Variants in NUP85 observed in about 807,000 individuals in gnomAD.
The protein encoded by NUP85 is nucleoporin 85.
Under a neutral mutation model 92.8 loss-of-function variants are expected in NUP85, and 23 were observed. The ratio of observed to expected loss-of-function variants is 0.25; its 90% CI spans 0.18 to 0.35. The LOEUF (loss-of-function observed/expected upper bound fraction) is 0.35. NUP85 is among the 10% of genes least tolerant of loss of function. The probability of loss-of-function intolerance (pLI) is 1.00; values close to 1 mark genes in which losing one functional copy is unlikely to be tolerated. For missense variants in NUP85, 759 were observed against 822.8 expected, an observed-to-expected ratio of 0.92 and a Z score of 0.95; for synonymous variants, 314 against 306.9, an observed-to-expected ratio of 1.02 and a Z score of -0.24.
rs776084988 is a variant in NUP85 at position 75,213,082 on chromosome 17, C to T, written c.368C>T (p.Ala123Val). 1.9e-6 allele frequency: 3 copies of T among 1,613,216 alleles called. No homozygotes were observed. Among genetic ancestry groups the T allele is most frequent in the Non-Finnish European group, 2.5e-6 (3 of 1,179,650 alleles). Reference sequence around the variant, plus strand: ...ATGTTTTGTGTTTTGTTAGTTGCTGCTAAAGATCCAGCCAATGGCCGCCAG... The same window carrying T: ...ATGTTTTGTGTTTTGTTAGTTGCTGTTAAAGATCCAGCCAATGGCCGCCAG... ...MEEMHQVAIA[A>V]KDPANGRQFS... The change falls in exon 5 of 19, where the codon GCT becomes GTT. Residue 123 changes from alanine (A) to valine (V), a missense_variant. Transcript: ENST00000245544.
At chr17:75,213,459 CT>C (rs1041876012) in intron 5 of NUP85, among the ~76,000 whole-genome samples, 1 of 151,410 alleles carries the variant, frequency 6.6e-6, no homozygotes, top group Non-Finnish European at 1.5e-5. Flanking sequence ...AGCCCAGCTA[CT>C]TTTTGCATTT....
chr17:75,228,979 C>G (rs528411682), intron 11 of NUP85: 7 of 985,450 alleles, frequency 7.1e-6, no homozygotes, highest in Admixed American at 6.1e-5. Context: ...AGGGTCCCTT[C>G]TTCCCTCCTG....
intron 11 of NUP85, among the ~76,000 whole-genome samples, chr17:75,230,367 T>TG (rs2076003194): frequency 6.6e-6 from 1 of 151,116 alleles, no homozygotes; most frequent in Admixed American, 6.6e-5. Flanking sequence ...TTTTTGTTTT[T>TG]TTTTTTTTTT....
chr17:75,211,870 C>G, intron 3 of NUP85, 122 bp from the exon 4 acceptor site: 1 of 720,964 alleles, frequency 1.4e-6, no homozygotes, highest in South Asian at 1.7e-5. Context: ...AGGTTAGGAG[C>G]TCCTTCACAA....
chr17:75,213,731 T>G (rs1359379630), intron 5 of NUP85, among the ~76,000 whole-genome samples: 1 of 152,042 alleles, frequency 6.6e-6, no homozygotes, highest in African/African-American at 2.4e-5. Context: ...CAACATTTTT[T>G]TTTTGAAAGA....
At chr17:75,215,877 C>T (rs1418044716) in intron 6 of NUP85, 54 bp downstream of exon 6, 4 of 1,443,832 alleles carry the variant, frequency 2.8e-6, no homozygotes, top group African/African-American at 1.4e-5. Context: ...CCATCTTCTG[C>T]TCTTTCCTCA....
At chr17:75,232,232 C>T (rs892853507) in intron 14 of NUP85, 7 of 477,872 alleles carry the variant, frequency 1.5e-5, no homozygotes, top group East Asian at 8.0e-5. Context: ...TTTTCTCACA[C>T]ACTTGATTCC....
chr17:75,228,713 C>CA, intron 11 of NUP85: 1 of 984,900 alleles, frequency 1.0e-6, no homozygotes, highest in Non-Finnish European at 1.2e-6. Context: ...AGGTTTCTTT[C>CA]TTTTTTTTCC....
Position 75,225,635 on chromosome 17 carries a change from G to A in NUP85, c.856-63G>A, listed in dbSNP as rs2075764141. On this transcript the variant is annotated intron_variant, in intron 9 of 18. Coordinates refer to ENST00000245544, the MANE Select transcript of NUP85 (RefSeq NM_024844.5). ...ATCCGGTGCCCTTAGCTGAGAGCAG[G>A]AGCATTATGGAGAAGGTACCCCTGA... The A allele has an allele frequency of 7.5e-6, 12 of 1,601,626 alleles. No individual in the cohort carries two copies. In the South Asian group the frequency reaches 1.4e-4, roughly 18 times the overall value.
chr17:75,228,234 T>C, intron 11 of NUP85: 1 of 985,412 alleles, frequency 1.0e-6, no homozygotes, highest in Non-Finnish European at 1.2e-6. Context: ...AGCATCCTGC[T>C]GTTTCCAGTG....
intron 5 of NUP85, among the ~76,000 whole-genome samples, chr17:75,215,350 C>G (rs893245614): frequency 6.6e-6 from 1 of 152,068 alleles, no homozygotes; most frequent in African/African-American, 2.4e-5. Context: ...GCTGAGACTG[C>G]GGGGATATGT....
At chr17:75,218,902 C>T (rs925379958) in intron 7 of NUP85, among the ~76,000 whole-genome samples, 1 of 152,094 alleles carries the variant, frequency 6.6e-6, no homozygotes, top group African/African-American at 2.4e-5. Context: ...TGCCAACCAC[C>T]ATGCCTGGGT....
At chr17:75,227,794 T>C (rs1169489943) in intron 11 of NUP85, among the ~76,000 whole-genome samples, 1 of 151,998 alleles carries the variant, frequency 6.6e-6, no homozygotes, top group Admixed American at 6.6e-5. Context: ...TGCGCCACCA[T>C]GCCTGGCTAA....
At chr17:75,210,071 A>T in intron 3 of NUP85, 86 bp downstream of exon 3, 1 of 1,359,626 alleles carries the variant, frequency 7.4e-7, no homozygotes, top group Non-Finnish European at 1.0e-6. Flanking sequence ...TGTGTGTTTT[A>T]TGGGTTGCGT....
chr17:75,220,581 G>A (rs1054509968), intron 7 of NUP85, among the ~76,000 whole-genome samples: 2 of 151,458 alleles, frequency 1.3e-5, no homozygotes, highest in African/African-American at 4.9e-5. Flanking sequence ...ACCAGCTAAA[G>A]TTTTTATTTA....
chr17:75,206,005 C>A (rs2075067232), intron 1 of NUP85, among the ~76,000 whole-genome samples: 1 of 152,084 alleles, frequency 6.6e-6, no homozygotes, highest in Non-Finnish European at 1.5e-5. Context: ...GTCACAAACC[C>A]CGGCCTCGAA....
Position 75,235,689 on chromosome 17 carries a change from C to T in NUP85, c.*10C>T, listed in dbSNP as rs756953869. 23 of 1,577,622 alleles carry T rather than the reference C, an allele frequency of 1.5e-5. No individual in the cohort carries two copies. Among genetic ancestry groups the T allele is most frequent in the Non-Finnish European group, 8.7e-6 (10 of 1,147,554 alleles). On this transcript the variant is annotated 3_prime_UTR_variant, in exon 19 of 19. Coordinates refer to ENST00000245544, the MANE Select transcript of NUP85 (RefSeq NM_024844.5). ...ACTGGAAGGTTCCTGAGAACTGCTT[C>T]AATGTGGTATCTTTGTATGGCAATG...
chr17:75,234,880 T>C (rs1378675461), intron 17 of NUP85, 92 bp downstream of exon 17: 4 of 1,500,306 alleles, frequency 2.7e-6, no homozygotes, highest in East Asian at 2.3e-5. Flanking sequence ...GTTTCCTCCT[T>C]TGTCGTTCTG....
rs2075740111 is a variant in NUP85 at position 75,225,141 on chromosome 17, C to T, written c.636C>T (p.Ala212=). The change falls in exon 8 of 19, where the codon GCC becomes GCT. Residue 212 remains alanine, a synonymous_variant. Transcript: ENST00000245544. ...TGCTGCAGGGCCGGCTGGATGAGGC[C>T]CGACAGATGCTCTCCAAGGAAGCCG... ...ILVLQGRLDE[A]RQMLSKEADA... is the part of the protein sequence containing the mutation. The T allele has an allele frequency of 6.3e-7, 1 of 1,597,392 alleles. No individual in the cohort carries two copies. Among genetic ancestry groups the T allele is most frequent in the African/African-American group, 1.3e-5 (1 of 74,720 alleles).
Sources: gnomAD v4.1 joint callset for allele counts (sites outside exome capture counted in the v4.1 genomes callset) on GRCh38, gnomAD v4.1.1 for gene constraint, MANE v1.5 for transcripts, NCBI Gene and HGNC (gene_info 2026-07-23, HGNC 2026-07-21) for gene names.